Variants in CHRM3 observed in about 807,000 individuals in gnomAD.
The protein encoded by CHRM3 is muscarinic acetylcholine receptor M3.
CHRM3 carries 11 observed loss-of-function variants against 41.8 expected under a neutral mutation model. That is an observed-to-expected ratio of 0.26 (90% CI 0.17 to 0.44). The LOEUF is 0.44. Among genes scored for constraint, CHRM3 ranks in the 20% least tolerant of loss-of-function variants. The pLI, the probability that CHRM3 is intolerant of heterozygous loss-of-function variation, is 1.00. For missense variants in CHRM3, 571 were observed against 745.4 expected (o/e 0.77, Z 2.72); for synonymous variants, 297 against 301.4 (o/e 0.99, Z 0.15).
chr1:239,820,584 G>C (rs1198257097), intron 5 of CHRM3, among the ~76,000 whole-genome samples: 3 of 152,100 alleles, frequency 2.0e-5, no homozygotes, highest in East Asian at 1.9e-4. Context: ...AGATGTTGAT[G>C]GGGGGAGAAA....
Position 239,817,519 on chromosome 1 carries a change from A to G in CHRM3, c.-146-9733A>G, listed in dbSNP as rs536354000. Among the ~76,000 whole-genome samples, 40 of 151,832 alleles carry G rather than the reference A, an allele frequency of 2.6e-4. 1 individual carries two copies. Among genetic ancestry groups the G allele is most frequent in the Admixed American group, 2.4e-3 (36 of 15,250 alleles). On this transcript the variant is annotated intron_variant, in intron 5 of 6. Transcript: ENST00000676153. ...GGCCAGAGCTCTGGGACCTCCTGCA[A>G]TATCTCAAAGGCATGAGGAAGCTTC...
At chr1:239,607,695 T>C (rs1449288947) in intron 3 of CHRM3, among the ~76,000 whole-genome samples, 1 of 152,234 alleles carries the variant, frequency 6.6e-6, no homozygotes, top group East Asian at 1.9e-4. Flanking sequence ...CATTCTATTT[T>C]ATGTTATGTG....
At chr1:239,889,317 C>A in intron 6 of CHRM3, among the ~76,000 whole-genome samples, 1 of 151,524 alleles carries the variant, frequency 6.6e-6, no homozygotes, top group African/African-American at 2.4e-5. Context: ...TTTCTGGTAG[C>A]CCCCCCTCTA....
At chr1:239,737,020 A>G (rs190408991) in intron 5 of CHRM3, among the ~76,000 whole-genome samples, 175 of 152,276 alleles carry the variant, frequency 1.1e-3, no homozygotes, top group African/African-American at 3.9e-3. Flanking sequence ...TTATTGGTTC[A>G]TTTAAGGGAC....
intron 5 of CHRM3, among the ~76,000 whole-genome samples, chr1:239,820,473 T>C (rs1671948191): frequency 6.6e-6 from 1 of 152,162 alleles, no homozygotes. Context: ...TGATGAAAAC[T>C]TGGAAAAAGG....
chr1:239,795,021 C>T (rs1296826223), intron 5 of CHRM3, among the ~76,000 whole-genome samples: 1 of 152,156 alleles, frequency 6.6e-6, no homozygotes, highest in East Asian at 1.9e-4. Flanking sequence ...TTAGCTCACA[C>T]TGGTGAACTA....
intron 5 of CHRM3, among the ~76,000 whole-genome samples, chr1:239,781,895 T>C (rs1668533654): frequency 6.6e-6 from 1 of 152,080 alleles, no homozygotes; most frequent in Admixed American, 6.5e-5. Context: ...CATCTTACCA[T>C]ATTGATATTA....
intron 1 of CHRM3, among the ~76,000 whole-genome samples, chr1:239,404,440 A>AAG (rs376700702): frequency 2.3e-5 from 3 of 127,746 alleles, no homozygotes; most frequent in African/African-American, 8.7e-5. Flanking sequence ...GAAAGAAAGA[A>AAG]AGAAAGAAAG....
intron 1 of CHRM3, among the ~76,000 whole-genome samples, chr1:239,430,884 A>G (rs1163526253): frequency 6.6e-6 from 1 of 152,100 alleles, no homozygotes; most frequent in Non-Finnish European, 1.5e-5. Context: ...GCATGAAAAC[A>G]GAACAATGTC....
Position 239,762,289 on chromosome 1 carries a change from G to A in CHRM3, c.-146-64963G>A, listed in dbSNP as rs139686952. ...ATTGTGACTTCATCTGCAGTTTTGC[G>A]GTTTTTTACTTTCTCTAGCATCATT... On this transcript the variant is annotated intron_variant, in intron 5 of 6. Transcript: ENST00000676153. Among the ~76,000 whole-genome samples the A allele has an allele frequency of 9.3e-3, 1,421 of 152,026 alleles. 15 individuals are homozygous for A. Among genetic ancestry groups the A allele is most frequent in the South Asian group, 0.019 (89 of 4,796 alleles).
At chr1:239,412,905 C>T (rs756079255) in intron 1 of CHRM3, among the ~76,000 whole-genome samples, 2 of 151,714 alleles carry the variant, frequency 1.3e-5, no homozygotes, top group Non-Finnish European at 2.9e-5. Context: ...ATGGTGAAAC[C>T]CGTCTCTACT....
At chr1:239,396,317 C>T (rs1659472380) in intron 1 of CHRM3, among the ~76,000 whole-genome samples, 1 of 152,006 alleles carries the variant, frequency 6.6e-6, no homozygotes, top group African/African-American at 2.4e-5. Context: ...CATAAATGCT[C>T]AGTGTGCACA....
At chr1:239,423,354 G>A (rs2103113330) in intron 1 of CHRM3, among the ~76,000 whole-genome samples, 1 of 152,228 alleles carries the variant, frequency 6.6e-6, no homozygotes, top group South Asian at 2.1e-4. Flanking sequence ...GGAACTCTTG[G>A]ACTGTAATAA....
At chr1:239,803,312 G>C (rs1670363871) in intron 5 of CHRM3, among the ~76,000 whole-genome samples, 1 of 152,066 alleles carries the variant, frequency 6.6e-6, no homozygotes, top group East Asian at 1.9e-4. Context: ...ACTTTCCTTA[G>C]AGCACATTCT....
intron 6 of CHRM3, among the ~76,000 whole-genome samples, chr1:239,848,790 C>CAT (rs1674477010): frequency 6.6e-6 from 1 of 152,102 alleles, no homozygotes; most frequent in Admixed American, 6.6e-5. Context: ...CACAGGATGT[C>CAT]ATATTTATTA....
At position 239,910,342 on chromosome 1, in the gene CHRM3, C is replaced by CAAA. The variant is rs373028645; in HGVS notation, c.*1127_*1129dup. On this transcript the variant is annotated 3_prime_UTR_variant, in exon 7 of 7. Coordinates refer to ENST00000676153, the MANE Select transcript of CHRM3 (RefSeq NM_001375978.1). The stretch of plus-strand genomic sequence containing the variant: ...GTGTATATATATATATATGGCAAAG[C>CAAA]AAAAAAAAAAACATGGTAAGAGAGA... 4.0e-4 allele frequency: 57 copies of CAAA among 143,334 alleles called. No homozygotes were observed. The South Asian group carries it at 7.9e-3, about 20-fold the overall frequency. 8.9% of individuals were successfully genotyped at this position (143,334 alleles called of 1,614,324 possible).
intron 4 of CHRM3, among the ~76,000 whole-genome samples, chr1:239,637,396 TA>T (rs1670574150): frequency 1.3e-5 from 2 of 152,184 alleles, no homozygotes; most frequent in South Asian, 4.1e-4. Flanking sequence ...AATAACTTTC[TA>T]CACATATCAC....
At chr1:239,775,135 C>CT (rs201755618) in intron 5 of CHRM3, among the ~76,000 whole-genome samples, 3 of 151,888 alleles carry the variant, frequency 2.0e-5, no homozygotes, top group East Asian at 1.9e-4. Flanking sequence ...GGGATCATGG[C>CT]TAAAAAAAAA....
chr1:239,595,459 AT>A (rs1664676118), intron 3 of CHRM3, among the ~76,000 whole-genome samples: 1 of 152,116 alleles, frequency 6.6e-6, no homozygotes, highest in Non-Finnish European at 1.5e-5. Context: ...CTAGATCTCT[AT>A]TTTTTAAGTT....
Sources: allele counts gnomAD v4.1 joint callset (sites outside exome capture counted in the v4.1 genomes callset), GRCh38; gene constraint gnomAD v4.1.1; transcripts MANE v1.5; gene names NCBI Gene and HGNC (gene_info 2026-07-23, HGNC 2026-07-21).